The following CSMD3 variants were observed in gnomAD, a reference collection of about 807,000 sequenced individuals.
CSMD3 encodes CUB and Sushi multiple domains 3.
Under a neutral mutation model 435.2 loss-of-function variants are expected in CSMD3, and 177 were observed. That is an observed-to-expected ratio of 0.41 (90% CI 0.36 to 0.46). The LOEUF is 0.46. Among genes scored for constraint, CSMD3 ranks in the 20% least tolerant of loss-of-function variants. CSMD3 has a pLI of 0.34. For missense variants in CSMD3, 4,265 were observed against 4,504.6 expected, an observed-to-expected ratio of 0.95 and a Z score of 1.52; for synonymous variants, 1,656 against 1,520.5, an observed-to-expected ratio of 1.09 and a Z score of -2.07.
chr8:113,307,262 G>A (rs1346697817), intron 2 of CSMD3, among the ~76,000 whole-genome samples: 1 of 152,066 alleles, frequency 6.6e-6, no homozygotes, highest in Non-Finnish European at 1.5e-5. Flanking sequence ...TGTGTCCAGA[G>A]GCAGCCAGCT....
At chr8:112,889,711 G>GA (rs1302437914) in intron 10 of CSMD3, among the ~76,000 whole-genome samples, 4 of 151,298 alleles carry the variant, frequency 2.6e-5, no homozygotes, top group South Asian at 4.2e-4. Flanking sequence ...TTCTTCAAAA[G>GA]AAAAAAATGT....
chr8:112,851,641 G>A (rs150925557), intron 11 of CSMD3, among the ~76,000 whole-genome samples: 1 of 151,994 alleles, frequency 6.6e-6, no homozygotes, highest in East Asian at 2.0e-4. Context: ...GCGTGTGCCT[G>A]TAATCCCAGC....
intron 5 of CSMD3, among the ~76,000 whole-genome samples, chr8:113,073,318 T>A (rs984129306): frequency 1.3e-5 from 2 of 151,876 alleles, no homozygotes; most frequent in Non-Finnish European, 2.9e-5. Context: ...AAGGATTTTT[T>A]AAAATTACAA....
intron 60 of CSMD3, among the ~76,000 whole-genome samples, chr8:112,265,005 G>A (rs1023458246): frequency 1.8e-4 from 28 of 151,746 alleles, no homozygotes; most frequent in South Asian, 1.3e-3. Context: ...AATTCAGGCC[G>A]GCTCTTCCCA....
rs144651455 is a variant in CSMD3 at position 112,695,732 on chromosome 8, G to A, written c.1973-5682C>T. ...ACATAGTGTTGGAAGTTCTGGCCAGGGCAATCAGGCAGGAGAAAGAAATAA... is the reference window on the plus strand; with the variant it reads ...ACATAGTGTTGGAAGTTCTGGCCAGAGCAATCAGGCAGGAGAAAGAAATAA... On this transcript the variant is annotated intron_variant, in intron 13 of 70. Coordinates refer to ENST00000297405, the MANE Select transcript of CSMD3 (RefSeq NM_198123.2). Among the ~76,000 whole-genome samples the A allele has an allele frequency of 5.5e-3, 832 of 152,168 alleles. 18 individuals carry two copies. Among genetic ancestry groups the A allele is most frequent in the Non-Finnish European group, 5.0e-3 (338 of 68,020 alleles).
chr8:112,621,466 G>T (rs1435442953), intron 22 of CSMD3, among the ~76,000 whole-genome samples: 1 of 151,910 alleles, frequency 6.6e-6, no homozygotes, highest in African/African-American at 2.4e-5. Context: ...CCTCAAAAGA[G>T]TTGTCTAGAT....
chr8:113,180,074 C>T (rs1044295043), intron 3 of CSMD3, among the ~76,000 whole-genome samples: 23 of 151,864 alleles, frequency 1.5e-4, no homozygotes, highest in Admixed American at 1.3e-3. Context: ...ATTAACAATG[C>T]TTTAAAACAA....
At chr8:113,408,834 T>C (rs1460392723) in intron 1 of CSMD3, among the ~76,000 whole-genome samples, 1 of 151,878 alleles carries the variant, frequency 6.6e-6, no homozygotes, top group Non-Finnish European at 1.5e-5. Flanking sequence ...CCAACTAATT[T>C]TTGTATTTTT....
intron 22 of CSMD3, among the ~76,000 whole-genome samples, chr8:112,608,488 GAAGA>G (rs1832969806): frequency 6.6e-6 from 1 of 151,900 alleles, no homozygotes; most frequent in South Asian, 2.1e-4. Context: ...TCTTGAGCAA[GAAGA>G]ATGAAGCTGA....
intron 6 of CSMD3, among the ~76,000 whole-genome samples, chr8:113,010,950 CT>C (rs964276451): frequency 2.6e-5 from 4 of 151,502 alleles, no homozygotes; most frequent in African/African-American, 9.7e-5. Flanking sequence ...TAAGTACACT[CT>C]TTTTTTCTTT....
chr8:112,702,721 A>C (rs955601907), intron 13 of CSMD3, among the ~76,000 whole-genome samples: 1 of 151,974 alleles, frequency 6.6e-6, no homozygotes, highest in African/African-American at 2.4e-5. Flanking sequence ...TAGGGTGAGG[A>C]GGTCAGGAGG....
intron 10 of CSMD3, among the ~76,000 whole-genome samples, chr8:112,880,733 T>G (rs938808155): frequency 2.6e-5 from 4 of 151,972 alleles, no homozygotes; most frequent in Non-Finnish European, 5.9e-5. Context: ...TTTGTTTTTT[T>G]GTCAAGCTAA....
intron 17 of CSMD3, among the ~76,000 whole-genome samples, chr8:112,664,488 G>C (rs970167286): frequency 5.9e-5 from 9 of 152,094 alleles, no homozygotes; most frequent in Admixed American, 6.6e-5. Flanking sequence ...CCAATAAATA[G>C]GGGATACGGT....
At chr8:112,617,919 A>G (rs2131501022) in intron 22 of CSMD3, among the ~76,000 whole-genome samples, 1 of 152,204 alleles carries the variant, frequency 6.6e-6, no homozygotes, top group Non-Finnish European at 1.5e-5. Flanking sequence ...TTCAATTCTC[A>G]TATGTGTAGC....
At chr8:112,859,359 T>A in intron 10 of CSMD3, 93 bp from the exon 11 acceptor site, 1 of 1,043,654 alleles carries the variant, frequency 9.6e-7, no homozygotes, top group Non-Finnish European at 1.5e-6. Flanking sequence ...ACATTCAAAA[T>A]GACACAATTA....
intron 3 of CSMD3, among the ~76,000 whole-genome samples, chr8:113,186,161 G>A (rs2092498090): frequency 1.3e-5 from 2 of 151,924 alleles, no homozygotes; most frequent in East Asian, 3.9e-4. Context: ...GGTTCTGCAT[G>A]GCCATCAACA....
intron 13 of CSMD3, among the ~76,000 whole-genome samples, chr8:112,783,315 CTACAACAGA>C (rs1323396585): frequency 6.7e-6 from 1 of 149,092 alleles, no homozygotes; most frequent in African/African-American, 2.5e-5. Flanking sequence ...GTAACAAAAA[CTACAACAGA>C]TACACAAAAA....
At chr8:113,281,548 C>G (rs574771050) in intron 2 of CSMD3, among the ~76,000 whole-genome samples, 1 of 151,654 alleles carries the variant, frequency 6.6e-6, no homozygotes, top group African/African-American at 2.4e-5. Flanking sequence ...TTATGTGAGT[C>G]CTTATGTGTT....
intron 13 of CSMD3, among the ~76,000 whole-genome samples, chr8:112,720,190 A>G (rs1466433335): frequency 1.3e-5 from 2 of 152,196 alleles, no homozygotes; most frequent in African/African-American, 4.8e-5. Context: ...ATTTCTTGCT[A>G]TTCTTATAGT....
Sources: gnomAD v4.1 joint callset for allele counts (sites outside exome capture counted in the v4.1 genomes callset) on GRCh38, gnomAD v4.1.1 for gene constraint, MANE v1.5 for transcripts, NCBI Gene and HGNC (gene_info 2026-07-23, HGNC 2026-07-21) for gene names.